Variants in CYB5R4 observed in about 807,000 individuals in gnomAD.
CYB5R4 encodes the protein N-terminal cytochrome b5 and cytochrome b5 oxidoreductase domain-containing protein.
Under a neutral mutation model 70.2 loss-of-function variants are expected in CYB5R4, and 55 were observed. The ratio of observed to expected loss-of-function variants is 0.78; its 90% CI spans 0.63 to 0.98. The LOEUF is 0.98. Among genes scored for constraint, CYB5R4 ranks in the 50% least tolerant of loss-of-function variants. The probability of loss-of-function intolerance (pLI) is 0.00; values close to 1 mark genes in which losing one functional copy is unlikely to be tolerated. For synonymous variants in CYB5R4, 197 were observed against 199.5 expected (o/e 0.99, Z 0.11); for missense variants, 562 against 612.6 (o/e 0.92, Z 0.87).
At chr6:83,910,217 GT>G in intron 4 of CYB5R4, 1 of 1,355,808 alleles carries the variant, frequency 7.4e-7, no homozygotes, top group Non-Finnish European at 1.0e-6. Flanking sequence ...CCAGTTGGAA[GT>G]TCAACTTTTG....
intron 14 of CYB5R4, among the ~76,000 whole-genome samples, chr6:83,944,555 A>G (rs868563927): frequency 2.6e-5 from 4 of 152,224 alleles, no homozygotes; most frequent in Non-Finnish European, 5.9e-5. Context: ...AGCTAGCATC[A>G]TAATGACAGG....
At chr6:83,932,116 A>G (rs2099468242) in intron 10 of CYB5R4, among the ~76,000 whole-genome samples, 2 of 152,236 alleles carry the variant, frequency 1.3e-5, no homozygotes, top group East Asian at 3.9e-4. Context: ...CTTATCTTAT[A>G]TACTGCAGTT....
In CYB5R4 at chr6:83,934,698, C is replaced by T. The variant is rs749416446; in HGVS notation, c.918C>T (p.Pro306=). ...MLPPSTHLQV[P]IGQHVYLKLP... is the part of the protein sequence containing the mutation. ...CACCAAGCACTCATCTTCAAGTGCC[C>T]ATTGGGCAACATGTTTACCTCAAGC... Residue 306 remains proline (P), a synonymous_variant, in exon 11 of 16, where the codon CCC becomes CCT. Transcript: ENST00000369681. 1.2e-6 allele frequency: 2 copies of T among 1,613,504 alleles called. No homozygotes were observed. Among genetic ancestry groups the T allele is most frequent in the Non-Finnish European group, 1.7e-6 (2 of 1,179,690 alleles).
intron 4 of CYB5R4, among the ~76,000 whole-genome samples, chr6:83,913,821 T>C (rs1432349914): frequency 1.3e-5 from 2 of 152,158 alleles, no homozygotes; most frequent in South Asian, 4.1e-4. Flanking sequence ...CACTTGTGGA[T>C]ATTAGAATAT....
Position 83,877,356 on chromosome 6 carries a change from G to C in CYB5R4, c.229+13028G>C, listed in dbSNP as rs546403480. ...TTTTTTTCCCATAGTATGTGTCTTA[G>C]TTCATTTTATGTTGCTATAAAGGAA... On this transcript the variant is annotated intron_variant, in intron 2 of 15. Coordinates refer to ENST00000369681, the MANE Select transcript of CYB5R4 (RefSeq NM_016230.4). 5.9e-5 allele frequency among the ~76,000 whole-genome samples: 9 copies of C among 152,166 alleles called. No homozygotes were observed. In the South Asian group the frequency reaches 1.7e-3, roughly 28 times the overall value.
chr6:83,885,779 G>A (rs1377031822), intron 2 of CYB5R4, among the ~76,000 whole-genome samples: 1 of 152,118 alleles, frequency 6.6e-6, no homozygotes, highest in African/African-American at 2.4e-5. Context: ...AGAGCTCTCT[G>A]AAATTGGAAC....
chr6:83,921,225 A>G, intron 8 of CYB5R4, 50 bp downstream of exon 8: 3 of 1,387,902 alleles, frequency 2.2e-6, no homozygotes, highest in Non-Finnish European at 2.9e-6. Context: ...TTCTTTAAAT[A>G]TGGCAATAAC....
chr6:83,905,816 A>G (rs1291630931), intron 3 of CYB5R4, among the ~76,000 whole-genome samples: 4 of 151,928 alleles, frequency 2.6e-5, no homozygotes, highest in Non-Finnish European at 4.4e-5. Context: ...TCTGGGTCCC[A>G]GGTGGTACAC....
intron 9 of CYB5R4, 85 bp from the exon 10 acceptor site, chr6:83,924,385 T>C: frequency 4.3e-6 from 6 of 1,396,642 alleles, no homozygotes; most frequent in Non-Finnish European, 5.9e-6. Flanking sequence ...ATCAGGACAC[T>C]TGTACTATTT....
intron 2 of CYB5R4, among the ~76,000 whole-genome samples, chr6:83,870,228 G>A (rs2099457375): frequency 6.6e-6 from 1 of 152,164 alleles, no homozygotes; most frequent in Non-Finnish European, 1.5e-5. Flanking sequence ...GCAGCATACA[G>A]GAACCCAACT....
chr6:83,942,429 G>T (rs764672532), intron 14 of CYB5R4, among the ~76,000 whole-genome samples: 1 of 152,220 alleles, frequency 6.6e-6, no homozygotes, highest in East Asian at 1.9e-4. Flanking sequence ...GTGCTATCCA[G>T]CCCAGATACT....
chr6:83,938,388 A>G (rs2099469244), intron 12 of CYB5R4, among the ~76,000 whole-genome samples: 1 of 152,224 alleles, frequency 6.6e-6, no homozygotes, highest in African/African-American at 2.4e-5. Context: ...GAGGCTTGAC[A>G]TGGCACAAAT....
intron 10 of CYB5R4, among the ~76,000 whole-genome samples, chr6:83,930,436 T>C (rs2099467972): frequency 6.6e-6 from 1 of 152,200 alleles, no homozygotes; most frequent in Admixed American, 6.5e-5. Flanking sequence ...TTTCACAGCA[T>C]CTTTGCCAGG....
At chr6:83,930,779 A>G (rs1326355425) in intron 10 of CYB5R4, among the ~76,000 whole-genome samples, 2 of 143,944 alleles carry the variant, frequency 1.4e-5, no homozygotes, top group Non-Finnish European at 3.0e-5. Flanking sequence ...GAGACTTACT[A>G]TGTGAAAAAA....
intron 2 of CYB5R4, among the ~76,000 whole-genome samples, chr6:83,873,663 A>G (rs1481156138): frequency 6.6e-6 from 1 of 152,202 alleles, no homozygotes; most frequent in Non-Finnish European, 1.5e-5. Context: ...TCATTCATTT[A>G]ATGAATATTT....
rs543277401 is a variant in CYB5R4, at chr6:83,950,193, A to T, written c.1347-5105A>T. On this transcript the variant is annotated intron_variant, in intron 14 of 15. Transcript: ENST00000369681. ...TCATTAAGTATGAAATCTGAACAGA[A>T]AAAAAAATGTGTACCCAAATTTTAT... Among the ~76,000 whole-genome samples the T allele has an allele frequency of 2.6e-5, 4 of 152,246 alleles. No homozygotes were observed. In the East Asian group the frequency reaches 7.7e-4, roughly 29 times the overall value.
At chr6:83,925,802 T>G (rs1034275765) in intron 10 of CYB5R4, among the ~76,000 whole-genome samples, 4 of 152,244 alleles carry the variant, frequency 2.6e-5, no homozygotes, top group Non-Finnish European at 5.9e-5. Flanking sequence ...TTAACTGTTC[T>G]TCTAATTATC....
chr6:83,873,875 A>G (rs1451056150), intron 2 of CYB5R4, among the ~76,000 whole-genome samples: 5 of 152,130 alleles, frequency 3.3e-5, no homozygotes, highest in Non-Finnish European at 5.9e-5. Flanking sequence ...TGAAGGATAC[A>G]TGGGAGTTAA....
At chr6:83,902,410 T>C (rs982978817) in intron 3 of CYB5R4, among the ~76,000 whole-genome samples, 1 of 152,194 alleles carries the variant, frequency 6.6e-6, no homozygotes. Flanking sequence ...CTGTGCTGTT[T>C]TGGTTACTAC....
Sources: allele counts gnomAD v4.1 joint callset (sites outside exome capture counted in the v4.1 genomes callset), GRCh38; gene constraint gnomAD v4.1.1; transcripts MANE v1.5; gene names NCBI Gene and HGNC (gene_info 2026-07-23, HGNC 2026-07-21).